The following HPN variants were observed in gnomAD, a reference collection of about 807,000 sequenced individuals.
HPN encodes serine protease hepsin.
Under a neutral mutation model 55.9 loss-of-function variants are expected in HPN, and 13 were observed. The ratio of observed to expected loss-of-function variants is 0.23; its 90% CI spans 0.15 to 0.37. HPN has a LOEUF of 0.37. Ranked by LOEUF, HPN falls within the 10% of genes least tolerant of loss-of-function variation. HPN has a pLI of 1.00. For synonymous variants in HPN, 225 were observed against 240.3 expected (o/e 0.94, Z 0.59); for missense variants, 451 against 575.8 (o/e 0.78, Z 2.22).
chr19:35,047,107 C>A (rs536200863), intron 2 of HPN, among the ~76,000 whole-genome samples: 1 of 152,294 alleles, frequency 6.6e-6, no homozygotes, highest in African/African-American at 2.4e-5. Context: ...GGATTACAGG[C>A]GTGAGCCACC....
chr19:35,063,804 G>T (rs1003428939), intron 9 of HPN, among the ~76,000 whole-genome samples: 4 of 152,210 alleles, frequency 2.6e-5, no homozygotes, highest in Non-Finnish European at 5.9e-5. Flanking sequence ...GGGCTTTGGG[G>T]TCAGATTCAG....
chr19:35,044,323 T>C (rs968752700), intron 2 of HPN, among the ~76,000 whole-genome samples: 22 of 152,154 alleles, frequency 1.4e-4, no homozygotes, highest in Admixed American at 6.6e-5. Context: ...ATTCCAAGGA[T>C]GCCAGGCAGA....
chr19:35,057,129 A>T (rs1404603789), intron 4 of HPN, among the ~76,000 whole-genome samples: 1 of 152,206 alleles, frequency 6.6e-6, no homozygotes, highest in Admixed American at 6.5e-5. Context: ...GGGCTTTAAA[A>T]TGTTATCAGA....
chr19:35,062,744 G>A (rs888685393), intron 9 of HPN, among the ~76,000 whole-genome samples: 1 of 152,110 alleles, frequency 6.6e-6, no homozygotes, highest in Non-Finnish European at 1.5e-5. Flanking sequence ...AGCTGGCTGT[G>A]GTGGTGCGCG....
intron 2 of HPN, among the ~76,000 whole-genome samples, chr19:35,047,606 T>G (rs2064354401): frequency 6.6e-6 from 1 of 152,060 alleles, no homozygotes; most frequent in South Asian, 2.1e-4. Context: ...CTTATCTGTC[T>G]TCTTTGGGTT....
chr19:35,055,717 TC>T (rs1264555828), intron 4 of HPN, among the ~76,000 whole-genome samples: 1 of 142,508 alleles, frequency 7.0e-6, no homozygotes, highest in Non-Finnish European at 1.5e-5. Flanking sequence ...CCTGCTCCCA[TC>T]CCTGCCCCCC....
At chr19:35,042,596 C>T in intron 2 of HPN, 74 bp downstream of exon 2, 1 of 1,313,414 alleles carries the variant, frequency 7.6e-7, no homozygotes, top group South Asian at 1.3e-5. Flanking sequence ...TCTCTACCCT[C>T]TACTCTTCGG....
rs1600382226 is a variant in HPN, at chr19:35,049,530, G to A, written c.160+14G>A. On this transcript the variant is annotated intron_variant, in intron 4 of 12. Transcript: ENST00000672452. ...CGCTGTACCCAGGTGAGTGGAGCAG[G>A]CTGGGACCCTCTGGGGGAGCCCTGG... The A allele has an allele frequency of 6.3e-7, 1 of 1,592,710 alleles. No individual in the cohort carries two copies. Among genetic ancestry groups the A allele is most frequent in the Non-Finnish European group, 8.6e-7 (1 of 1,168,824 alleles).
At chr19:35,048,067 A>G (rs1568356351) in intron 2 of HPN, among the ~76,000 whole-genome samples, 9 of 52,656 alleles carry the variant, frequency 1.7e-4, no homozygotes, top group African/African-American at 9.9e-4. Context: ...AAAGAAAGAA[A>G]GAAAGAAAGA....
Position 35,066,409 on chromosome 19 carries a change from C to T in HPN, c.*122C>T. Reference sequence around the variant, plus strand: ...CGGTCCACAGGTCCAAGGACACCCTCCCTCCAGGGTCCTCTCTTCCACAGT... The same window carrying T: ...CGGTCCACAGGTCCAAGGACACCCTTCCTCCAGGGTCCTCTCTTCCACAGT... On this transcript the variant is annotated 3_prime_UTR_variant, in exon 13 of 13. Transcript: ENST00000672452. 1 of 1,345,720 alleles carries T rather than the reference C, an allele frequency of 7.4e-7. No homozygotes were observed. The highest frequency in any genetic ancestry group is 1.0e-6 in the Non-Finnish European group (1 of 983,500). The allele number at this position is 1,345,720 out of a possible 1,614,324, so 83.4% of individuals were successfully genotyped here. A position where few individuals can be genotyped will look rare whatever the true frequency, so the allele number is the denominator to read the frequency against.
At position 35,060,636 on chromosome 19, in the gene HPN, G is replaced by T; in HGVS notation, c.630G>T (p.Arg210=). Residue 210 remains arginine (R), a synonymous_variant, in exon 9 of 13, where the codon CGG becomes CGT. Transcript: ENST00000672452. ...TAAHCFPERN[R]VLSRWRVFAG... is the part of the protein sequence containing the mutation. Reference sequence around the variant, plus strand: ...CCCCTTTCCCTGGTAGGCGGAACCGGGTCCTGTCCCGATGGCGAGTGTTTG... The same window carrying T: ...CCCCTTTCCCTGGTAGGCGGAACCGTGTCCTGTCCCGATGGCGAGTGTTTG... The T allele has an allele frequency of 6.2e-7, 1 of 1,613,956 alleles. No individual in the cohort carries two copies. Among genetic ancestry groups the T allele is most frequent in the Non-Finnish European group, 8.5e-7 (1 of 1,180,042 alleles).
rs755365571 is a variant in HPN at position 35,060,641 on chromosome 19, T to C, written c.635T>C (p.Leu212Pro). Residue 212 changes from leucine (L) to proline (P), a missense_variant, in exon 9 of 13, where the codon CTG becomes CCG. This residue lies in a region of HPN where 378 missense variants were observed against 445.5 expected (regional missense o/e 0.85). Coordinates refer to ENST00000672452, the MANE Select transcript of HPN (RefSeq NM_001384133.1). Reference protein sequence around the residue: ...AHCFPERNRVLSRWRVFAGAV... With the variant: ...AHCFPERNRVPSRWRVFAGAV... ...TTCCCTGGTAGGCGGAACCGGGTCC[T>C]GTCCCGATGGCGAGTGTTTGCCGGT... 2 of 1,614,024 alleles carry C rather than the reference T, an allele frequency of 1.2e-6. No individual in the cohort carries two copies. The highest frequency in any genetic ancestry group is 1.7e-6 in the Non-Finnish European group (2 of 1,180,044).
chr19:35,065,376 C>A (rs531952625), intron 10 of HPN, 31 bp downstream of exon 10: 1 of 1,593,846 alleles, frequency 6.3e-7, no homozygotes, highest in Non-Finnish European at 8.6e-7. Flanking sequence ...CTGATGCCAC[C>A]GTTTGGGAGA....
chr19:35,056,775 A>G (rs901445322), intron 4 of HPN, among the ~76,000 whole-genome samples: 10 of 152,150 alleles, frequency 6.6e-5, no homozygotes, highest in Admixed American at 5.9e-4. Flanking sequence ...GGCATGGAGT[A>G]TGTGTCCAGT....
At chr19:35,057,529 G>T (rs1377276717) in intron 4 of HPN, among the ~76,000 whole-genome samples, 1 of 151,630 alleles carries the variant, frequency 6.6e-6, no homozygotes, top group East Asian at 1.9e-4. Context: ...AACATAGAAG[G>T]GTAAGTTTAA....
At chr19:35,060,925 AT>A in intron 9 of HPN, 108 bp downstream of exon 9, 1 of 930,878 alleles carries the variant, frequency 1.1e-6, no homozygotes, top group South Asian at 1.7e-5. Flanking sequence ...ATCCTTGGCA[AT>A]AAGGGGAATG....
chr19:35,059,295 T>TACAAAACAAAACAAA lies in HPN; in HGVS notation c.161-367_161-353dup, dbSNP rs112693522. 335 of 361,316 alleles carry TACAAAACAAAACAAA rather than the reference T, an allele frequency of 9.3e-4. 1 individual carries two copies. Among genetic ancestry groups the TACAAAACAAAACAAA allele is most frequent in the African/African-American group, 6.7e-3 (312 of 46,810 alleles). The allele number at this position is 361,316 out of a possible 1,614,324, so 22.4% of individuals were successfully genotyped here. A position where few individuals can be genotyped will look rare whatever the true frequency, so the allele number is the denominator to read the frequency against. ...TGGGCAACATAGCAAGACCCGTCTC[T>TACAAAACAAAACAAA]ACAAAACAAAACAAAACAAAACAAA... On this transcript the variant is annotated intron_variant, in intron 4 of 12. Transcript: ENST00000672452.
chr19:35,040,814 A>G (rs750174686), upstream of HPN, among the ~76,000 whole-genome samples: 11 of 152,298 alleles, frequency 7.2e-5, no homozygotes, highest in East Asian at 5.8e-4. Flanking sequence ...GCGTGTCCCA[A>G]TGAGGGGCCC....
rs2151771864 is a variant in HPN at position 35,065,639 on chromosome 19, G to A, written c.1008G>A (p.Met336Ile). ...ATGGAAACCAGATCAAGCCCAAGAT[G>A]TTCTGTGCTGGCTACCCCGAGGGTG... ...DFYGNQIKPK[M>I]FCAGYPEGGI... The change falls in exon 11 of 13, where the codon ATG (methionine) becomes ATA (isoleucine). Residue 336 changes from methionine to isoleucine, a missense_variant. By Grantham distance (10) the Met-to-Ile change is conservative. This residue lies in a region of HPN where 73 missense variants were observed against 130.3 expected (regional missense o/e 0.56). Coordinates refer to ENST00000672452, the MANE Select transcript of HPN (RefSeq NM_001384133.1). 6.2e-7 allele frequency: 1 copy of A among 1,614,210 alleles called. No homozygotes were observed. The highest frequency in any genetic ancestry group is 8.5e-7 in the Non-Finnish European group (1 of 1,180,034).
Sources: allele counts gnomAD v4.1 joint callset (sites outside exome capture counted in the v4.1 genomes callset), GRCh38; gene constraint gnomAD v4.1.1; regional missense constraint gnomAD v4.1.1; transcripts MANE v1.5; gene names NCBI Gene and HGNC (gene_info 2026-07-23, HGNC 2026-07-21).